PCDHGA7: variants seen among roughly 807,000 people sequenced by gnomAD.
PCDHGA7 encodes protocadherin gamma-A7.
In PCDHGA7, 44 loss-of-function variants were observed where a neutral mutation model predicts 58.3. That is an observed-to-expected ratio of 0.75 (90% CI 0.59 to 0.97). PCDHGA7 has a LOEUF of 0.97. PCDHGA7 is among the 50% of genes least tolerant of loss of function. The pLI is 0.00. For missense variants in PCDHGA7, 1,266 were observed against 1,188.7 expected, an observed-to-expected ratio of 1.06 and a Z score of -0.96; for synonymous variants, 516 against 504.2, an observed-to-expected ratio of 1.02 and a Z score of -0.31.
intron 1 of PCDHGA7, chr5:141,417,960 G>T (rs2096199953): frequency 1.2e-6 from 2 of 1,613,624 alleles, no homozygotes; most frequent in African/African-American, 1.3e-5. Context: ...GAGCCGATCC[G>T]CTACTCGATT....
Position 141,490,503 on chromosome 5 carries a change from C to A in PCDHGA7, c.2425-4304C>A, listed in dbSNP as rs2099701103. On this transcript the variant is annotated intron_variant, in intron 1 of 3. Coordinates refer to ENST00000518325, the MANE Select transcript of PCDHGA7 (RefSeq NM_018920.4). The surrounding 1 kb of genome is among the most constrained non-coding windows in gnomAD (Gnocchi z 5.4). ...ACCGGGAGGCCACATCCCACTATAT[C>A]ATCGAGCTGCTGGCCAGCGATGCTG... 3.7e-6 allele frequency: 6 copies of A among 1,614,206 alleles called. No individual in the cohort carries two copies. In the African/African-American group the frequency reaches 8.0e-5, roughly 22 times the overall value.
At position 141,477,748 on chromosome 5, in the gene PCDHGA7, C is replaced by T; in HGVS notation, c.2425-17059C>T. ...CAGCTCATATCAGCGATGGGGGCAC[C>T]CCGGTCCTAGCCACCAACATCAGCG... On this transcript the variant is annotated intron_variant, in intron 1 of 3. Transcript: ENST00000518325. The surrounding 1 kb of genome is among the most constrained non-coding windows in gnomAD (Gnocchi z 4.9). 6.2e-7 allele frequency: 1 copy of T among 1,613,872 alleles called. No homozygotes were observed. The highest frequency in any genetic ancestry group is 1.1e-5 in the South Asian group (1 of 91,080).
At chr5:141,413,374 G>A (rs528233301) in intron 1 of PCDHGA7, 1 of 1,613,946 alleles carries the variant, frequency 6.2e-7, no homozygotes, top group East Asian at 2.2e-5. Context: ...GGCGGAGCGC[G>A]GAGTCCGCAT....
In PCDHGA7 at chr5:141,476,264, G is replaced by A. The variant is rs753184649; in HGVS notation, c.2425-18543G>A. The A allele has an allele frequency of 2.5e-6, 4 of 1,614,082 alleles. No individual in the cohort carries two copies. The highest frequency in any genetic ancestry group is 3.4e-6 in the Non-Finnish European group (4 of 1,180,010). Reference sequence around the variant, plus strand: ...AGAGAAGGGTTTCGCTGTGGGCAACGTGGTCGCGAACCTTGGTTTGGATCT... The same window carrying A: ...AGAGAAGGGTTTCGCTGTGGGCAACATGGTCGCGAACCTTGGTTTGGATCT... On this transcript the variant is annotated intron_variant, in intron 1 of 3. Coordinates refer to ENST00000518325, the MANE Select transcript of PCDHGA7 (RefSeq NM_018920.4). The surrounding 1 kb of genome is among the most constrained non-coding windows in gnomAD (Gnocchi z 7.6).
At position 141,431,516 on chromosome 5, in the gene PCDHGA7, G is replaced by C. The variant is rs941913367; in HGVS notation, c.2424+46193G>C. 3.1e-6 allele frequency: 5 copies of C among 1,613,954 alleles called. No homozygotes were observed. In the African/African-American group the frequency reaches 6.7e-5, roughly 22 times the overall value. On this transcript the variant is annotated intron_variant, in intron 1 of 3. Coordinates refer to ENST00000518325, the MANE Select transcript of PCDHGA7 (RefSeq NM_018920.4). This position sits in a 1 kb window ranked among gnomAD's most constrained non-coding sequence, Gnocchi z 4.8. ...GCCCGAGTACCGCGCGAGCGTTCCG[G>C]AGAATCTGGCCTTGGGCACGCAGCT... is the stretch of plus-strand genomic sequence containing the variant.
rs775416808 is a variant in PCDHGA7, at chr5:141,429,727, G to A, written c.2424+44404G>A. ...TAAATATTTACGCTCATGAAAGTAC[G>A]TAGCCAGTTATTTCTTAGGGAGAAT... On this transcript the variant is annotated intron_variant, in intron 1 of 3. Transcript: ENST00000518325. 7.2e-5 allele frequency among the ~76,000 whole-genome samples: 11 copies of A among 152,158 alleles called. 1 individual carries two copies. The highest frequency in any genetic ancestry group is 1.9e-4 in the East Asian group (1 of 5,188).
At chr5:141,470,034 C>T (rs1209263598) in intron 1 of PCDHGA7, among the ~76,000 whole-genome samples, 2 of 152,086 alleles carry the variant, frequency 1.3e-5, no homozygotes, top group Non-Finnish European at 2.9e-5. Flanking sequence ...GATGCTGAGG[C>T]GCGAGAACTG....
intron 1 of PCDHGA7, among the ~76,000 whole-genome samples, chr5:141,464,934 G>T (rs1353581045): frequency 1.3e-5 from 2 of 151,416 alleles, no homozygotes; most frequent in African/African-American, 4.8e-5. Flanking sequence ...GAGATGTGAG[G>T]TCTCACTATG....
chr5:141,475,947 C>A, intron 1 of PCDHGA7: 1 of 748,120 alleles, frequency 1.3e-6, no homozygotes, highest in Non-Finnish European at 2.1e-6. Context: ...CGTCCCCTTT[C>A]TGCGCCCCGG....
chr5:141,415,765 T>G (rs1386091482), intron 1 of PCDHGA7: 1 of 1,364,078 alleles, frequency 7.3e-7, no homozygotes, highest in South Asian at 1.7e-5. Flanking sequence ...TTTTTTTTTT[T>G]TTTTTTTACT....
chr5:141,500,870 A>C (rs2099803097), intron 2 of PCDHGA7, among the ~76,000 whole-genome samples: 1 of 139,794 alleles, frequency 7.2e-6, no homozygotes, highest in African/African-American at 2.8e-5. Context: ...ATACACATTC[A>C]TTTACAATTT....
At chr5:141,406,116 AG>A (rs982166274) in intron 1 of PCDHGA7, among the ~76,000 whole-genome samples, 4 of 147,788 alleles carry the variant, frequency 2.7e-5, no homozygotes, top group African/African-American at 1.0e-4. Context: ...TCTGTTGTCC[AG>A]GGTGGAATGC....
chr5:141,419,618 C>T (rs746617593), intron 1 of PCDHGA7: 3 of 1,612,326 alleles, frequency 1.9e-6, no homozygotes, highest in South Asian at 1.1e-5. Flanking sequence ...GCCAGGCTAC[C>T]TGGTGACCAA....
chr5:141,455,466 A>G (rs1253494886), intron 1 of PCDHGA7, among the ~76,000 whole-genome samples: 1 of 152,164 alleles, frequency 6.6e-6, no homozygotes, highest in East Asian at 1.9e-4. Flanking sequence ...AGCCAGGTAT[A>G]TATGCAGAGG....
chr5:141,400,965 CTCTT>C (rs2094096418), intron 1 of PCDHGA7, among the ~76,000 whole-genome samples: 1 of 151,032 alleles, frequency 6.6e-6, no homozygotes, highest in Non-Finnish European at 1.5e-5. Flanking sequence ...TAGTTTTCAT[CTCTT>C]TCTTATGTTC....
chr5:141,413,262 G>A (rs2095621152), intron 1 of PCDHGA7: 2 of 1,613,960 alleles, frequency 1.2e-6, no homozygotes, highest in South Asian at 1.1e-5. Context: ...TTCCATGGGA[G>A]GCTGGAGCCC....
At chr5:141,408,894 C>A (rs778126197) in intron 1 of PCDHGA7, 1 of 1,613,304 alleles carries the variant, frequency 6.2e-7, no homozygotes, top group East Asian at 2.2e-5. Flanking sequence ...ATAGAAATTT[C>A]TGTCAAGGAT....
intron 1 of PCDHGA7, chr5:141,422,258 A>G (rs2096637047): frequency 6.4e-7 from 1 of 1,565,282 alleles, no homozygotes; most frequent in East Asian, 2.2e-5. Flanking sequence ...GTGAATGATA[A>G]CGCTCCAGAA....
intron 1 of PCDHGA7, among the ~76,000 whole-genome samples, chr5:141,425,485 A>G (rs2096878362): frequency 6.6e-6 from 1 of 152,274 alleles, no homozygotes; most frequent in Non-Finnish European, 1.5e-5. Context: ...ATGGCAACCT[A>G]CTAGGCTATA....
Sources: gnomAD v4.1 joint callset for allele counts (sites outside exome capture counted in the v4.1 genomes callset) on GRCh38, gnomAD v4.1.1 for gene constraint, Gnocchi (gnomAD v3.1) non-coding constraint, MANE v1.5 for transcripts, NCBI Gene and HGNC (gene_info 2026-07-23, HGNC 2026-07-21) for gene names.